FRK: variants seen among roughly 807,000 people sequenced by gnomAD.
FRK encodes the protein tyrosine-protein kinase FRK.
In FRK, 51 loss-of-function variants were observed where a neutral mutation model predicts 56.4. The observed-to-expected ratio is 0.90, with a 90% confidence interval of 0.72 to 1.14. FRK has a LOEUF of 1.14. Ranked by LOEUF, FRK falls within the 50% of genes most tolerant of loss-of-function variation. The pLI, the probability that FRK is intolerant of heterozygous loss-of-function variation, is 0.00. For synonymous variants in FRK, 245 were observed against 217.9 expected, an observed-to-expected ratio of 1.12 and a Z score of -1.10; for missense variants, 570 against 601.4, an observed-to-expected ratio of 0.95 and a Z score of 0.55.
At position 116,060,230 on chromosome 6, in the gene FRK, C is replaced by A. The variant is rs1047694573; in HGVS notation, c.82G>T (p.Val28Leu). 1.2e-6 allele frequency: 2 copies of A among 1,614,000 alleles called. No homozygotes were observed. Among genetic ancestry groups the A allele is most frequent in the African/African-American group, 1.3e-5 (1 of 74,904 alleles). ...CAAAGGGCCCCTGGATTTTCAATCA[C>A]GGTTGACTTGTCTGCCTCCGTGGAC... ...CLSTEADKST[V>L]IENPGALCSP... Residue 28 changes from valine to leucine, a missense_variant, in exon 1 of 8, where the codon GTG becomes TTG. Transcript: ENST00000606080.
chr6:116,084,896 T>G, the FRK span, among the ~76,000 whole-genome samples: 5 of 152,042 alleles, frequency 3.3e-5, no homozygotes, highest in African/African-American at 1.2e-4. Context: ...CAAAAAGAAG[T>G]GATAAGATAA....
chr6:116,029,450 C>T (rs889102609), intron 1 of FRK, among the ~76,000 whole-genome samples: 4 of 152,056 alleles, frequency 2.6e-5, no homozygotes, highest in Admixed American at 6.6e-5. Flanking sequence ...TCAATAATCT[C>T]TTATTTATTT....
chr6:116,033,943 A>G (rs1009430744), intron 1 of FRK, among the ~76,000 whole-genome samples: 2 of 152,122 alleles, frequency 1.3e-5, no homozygotes, highest in Non-Finnish European at 2.9e-5. Flanking sequence ...ATTTGTGGAC[A>G]CTGCTGAAGG....
intron 1 of FRK, among the ~76,000 whole-genome samples, chr6:116,031,248 A>T (rs963155337): frequency 2.0e-5 from 3 of 152,134 alleles, no homozygotes; most frequent in African/African-American, 2.4e-5. Context: ...TAGAAGTAAA[A>T]AAGTGGAATA....
chr6:115,982,707 C>T (rs1774244846), intron 2 of FRK, among the ~76,000 whole-genome samples: 1 of 152,078 alleles, frequency 6.6e-6, no homozygotes, highest in South Asian at 2.1e-4. Context: ...TCAAAGTACA[C>T]ATTCCAATGA....
intron 5 of FRK, among the ~76,000 whole-genome samples, chr6:115,947,081 C>T (rs1772483372): frequency 6.6e-6 from 1 of 151,762 alleles, no homozygotes; most frequent in Non-Finnish European, 1.5e-5. Flanking sequence ...AAGCAGTTAT[C>T]ATAAAATTTG....
intron 1 of FRK, among the ~76,000 whole-genome samples, chr6:116,021,244 C>T (rs1045028392): frequency 2.0e-5 from 3 of 150,182 alleles, no homozygotes; most frequent in East Asian, 1.9e-4. Flanking sequence ...AAAACACAAA[C>T]GTAGACCAGT....
chr6:115,956,151 G>A lies in FRK; in HGVS notation c.958+301C>T, dbSNP rs559194193. Among the ~76,000 whole-genome samples the A allele has an allele frequency of 2.0e-5, 3 of 152,256 alleles. No homozygotes were observed. In the South Asian group the frequency reaches 6.2e-4, roughly 32 times the overall value. On this transcript the variant is annotated intron_variant, in intron 5 of 7. Coordinates refer to ENST00000606080, the MANE Select transcript of FRK (RefSeq NM_002031.3). ...ATGTTCAATTAGTGTAGGAAATAAA[G>A]CATCATGCAAAGCATCATGCTAAAC...
At chr6:115,950,882 A>C (rs2114536538) in intron 5 of FRK, among the ~76,000 whole-genome samples, 1 of 152,346 alleles carries the variant, frequency 6.6e-6, no homozygotes, top group South Asian at 2.1e-4. Context: ...ACATGGATGA[A>C]GCTGGAAACC....
rs1772001855 is a variant in FRK, at chr6:115,933,970, T to C, written c.*8444A>G. Reference sequence around the variant, plus strand: ...TTAATTTCAAGGTCATCAGGAAAGTTTGGGTATATATGCACACATCTGCCT... The same window carrying C: ...TTAATTTCAAGGTCATCAGGAAAGTCTGGGTATATATGCACACATCTGCCT... On this transcript the variant is annotated 3_prime_UTR_variant, in exon 8 of 8. Coordinates refer to ENST00000606080, the MANE Select transcript of FRK (RefSeq NM_002031.3). 6.6e-6 allele frequency: 1 copy of C among 152,054 alleles called. No individual in the cohort carries two copies. The highest frequency in any genetic ancestry group is 2.4e-5 in the African/African-American group (1 of 41,390). The allele number at this position is 152,054 out of a possible 1,614,324, so 9.4% of individuals were successfully genotyped here.
chr6:116,012,197 C>T (rs1349441777), intron 1 of FRK, among the ~76,000 whole-genome samples: 1 of 152,180 alleles, frequency 6.6e-6, no homozygotes, highest in South Asian at 2.1e-4. Flanking sequence ...GACTCTCCCC[C>T]TTGCTCACAC....
intron 1 of FRK, among the ~76,000 whole-genome samples, chr6:116,044,616 C>G (rs1299214236): frequency 6.6e-6 from 1 of 152,212 alleles, no homozygotes; most frequent in Admixed American, 6.5e-5. Flanking sequence ...GACAAACCCA[C>G]AGCCAATATC....
chr6:116,075,481 A>AT, the FRK span, among the ~76,000 whole-genome samples: 1 of 151,616 alleles, frequency 6.6e-6, no homozygotes, highest in South Asian at 2.1e-4. Context: ...AAAAAAAAAA[A>AT]AACCTGGAAC....
chr6:116,002,799 C>T, intron 2 of FRK: 1 of 434,820 alleles, frequency 2.3e-6, no homozygotes, highest in Non-Finnish European at 4.7e-6. Context: ...GCAACACCTG[C>T]CTCAAAACCA....
chr6:116,057,611 G>T (rs1227831517), intron 1 of FRK, among the ~76,000 whole-genome samples: 1 of 152,144 alleles, frequency 6.6e-6, no homozygotes, highest in Non-Finnish European at 1.5e-5. Context: ...AGCATTTTCT[G>T]GGCATCATGG....
chr6:116,007,814 T>C (rs1221539887), intron 1 of FRK, among the ~76,000 whole-genome samples: 1 of 150,958 alleles, frequency 6.6e-6, no homozygotes. Context: ...TTTCAATAAC[T>C]TTCTAGAGGT....
In FRK at chr6:115,953,657, C is replaced by T. The variant is rs565962162; in HGVS notation, c.958+2795G>A. On this transcript the variant is annotated intron_variant, in intron 5 of 7. Coordinates refer to ENST00000606080, the MANE Select transcript of FRK (RefSeq NM_002031.3). ...TGAAGCTGATAGGGTTCATACTTAG[C>T]CCTAAGTAAACCACATCACCAAGCC... is the stretch of plus-strand genomic sequence containing the variant. 2.6e-5 allele frequency among the ~76,000 whole-genome samples: 4 copies of T among 152,246 alleles called. No homozygotes were observed. The South Asian group carries it at 8.3e-4, about 32-fold the overall frequency.
At chr6:116,028,543 G>GA (rs1776184326) in intron 1 of FRK, among the ~76,000 whole-genome samples, 3 of 152,100 alleles carry the variant, frequency 2.0e-5, no homozygotes, top group South Asian at 2.1e-4. Context: ...GTCAGTGAGG[G>GA]AAAATCTGTT....
intron 1 of FRK, among the ~76,000 whole-genome samples, chr6:116,022,898 C>G (rs1161328866): frequency 1.3e-5 from 2 of 152,084 alleles, no homozygotes; most frequent in Admixed American, 1.3e-4. Context: ...AGCAGCATAG[C>G]AAAGAAACTG....
Sources: allele counts gnomAD v4.1 joint callset (sites outside exome capture counted in the v4.1 genomes callset), GRCh38; gene constraint gnomAD v4.1.1; transcripts MANE v1.5; gene names NCBI Gene and HGNC (gene_info 2026-07-23, HGNC 2026-07-21).